Variants in ELAVL4 observed in about 807,000 individuals in gnomAD.
The protein encoded by ELAVL4 is ELAV-like protein 4.
ELAVL4 carries 1 observed loss-of-function variant against 35.6 expected under a neutral mutation model. That is an observed-to-expected ratio of 0.03 (90% confidence interval 0.01 to 0.13). The LOEUF is 0.13. Ranked by LOEUF, ELAVL4 falls within the 10% of genes least tolerant of loss-of-function variation. The pLI, the probability that ELAVL4 is intolerant of heterozygous loss-of-function variation, is 1.00. For synonymous variants in ELAVL4, 156 were observed against 171.0 expected (o/e 0.91, Z 0.69); for missense variants, 267 against 464.9 (o/e 0.57, Z 3.91).
intron 2 of ELAVL4, among the ~76,000 whole-genome samples, chr1:50,149,945 G>C (rs1217256509): frequency 6.6e-6 from 1 of 152,166 alleles, no homozygotes; most frequent in Non-Finnish European, 1.5e-5. Flanking sequence ...CTATTAATAC[G>C]TAAGTGCTAT....
Position 50,120,667 on chromosome 1 carries a change from G to C in ELAVL4, c.9+11469G>C, listed in dbSNP as rs546158857. Reference sequence around the variant, plus strand: ...ACATTGGTTAGGGGAATCAGCATTAGAGCACTCTTCTGGTCATAATGTGAT... The same window carrying C: ...ACATTGGTTAGGGGAATCAGCATTACAGCACTCTTCTGGTCATAATGTGAT... On this transcript the variant is annotated intron_variant, in intron 1 of 6. Coordinates refer to ENST00000371824, the MANE Select transcript of ELAVL4 (RefSeq NM_001144774.3). Among the ~76,000 whole-genome samples the C allele has an allele frequency of 4.2e-4, 64 of 152,182 alleles. 1 individual carries two copies. Among genetic ancestry groups the C allele is most frequent in the African/African-American group, 1.4e-3 (60 of 41,564 alleles).
chr1:50,177,140 A>C lies in ELAVL4; in HGVS notation c.302A>C (p.Glu101Ala). Reference sequence around the variant, plus strand: ...AACTATATTGATCCAAAGGATGCAGAGAAAGCCATCAACACTTTAAATGGA... The same window carrying C: ...AACTATATTGATCCAAAGGATGCAGCGAAAGCCATCAACACTTTAAATGGA... Reference protein sequence around the residue: ...FVNYIDPKDAEKAINTLNGLR... With the variant: ...FVNYIDPKDAAKAINTLNGLR... Residue 101 changes from glutamate to alanine, a missense_variant, in exon 3 of 7, where the codon GAG becomes GCG. By Grantham distance (107) the Glu-to-Ala change is moderately radical. Around this residue, in one of 2 missense-constraint regions of ELAVL4, gnomAD observed 216 missense variants for 409.5 expected, o/e 0.53. Transcript: ENST00000371824. 6.2e-7 allele frequency: 1 copy of C among 1,614,108 alleles called. No homozygotes were observed. Among genetic ancestry groups the C allele is most frequent in the Non-Finnish European group, 8.5e-7 (1 of 1,179,984 alleles).
chr1:50,059,578 T>C (rs1190010826), intron 1 of ELAVL4, among the ~76,000 whole-genome samples: 1 of 148,886 alleles, frequency 6.7e-6, no homozygotes, highest in South Asian at 2.1e-4. Context: ...TTGGAGAAAA[T>C]GGAACCCTCC....
chr1:50,051,733 T>C (rs1243635364), intron 1 of ELAVL4, among the ~76,000 whole-genome samples: 1 of 152,196 alleles, frequency 6.6e-6, no homozygotes, highest in East Asian at 1.9e-4. Context: ...TTTTAAAATC[T>C]ATTTCATCTT....
intron 3 of ELAVL4, among the ~76,000 whole-genome samples, chr1:50,189,412 G>C (rs1263382383): frequency 6.6e-6 from 1 of 152,252 alleles, no homozygotes; most frequent in Admixed American, 6.5e-5. Flanking sequence ...ACCTTGGTGA[G>C]ACTTGCTGAG....
chr1:50,193,526 G>A (rs1456482276), intron 3 of ELAVL4, among the ~76,000 whole-genome samples: 2 of 152,122 alleles, frequency 1.3e-5, no homozygotes, highest in African/African-American at 4.8e-5. Context: ...TGCACTTAGA[G>A]ACCCTTATCT....
intron 2 of ELAVL4, among the ~76,000 whole-genome samples, chr1:50,148,953 C>T (rs1451286645): frequency 6.6e-6 from 1 of 152,042 alleles, no homozygotes; most frequent in African/African-American, 2.4e-5. Flanking sequence ...TGTGGCTTGA[C>T]CAGGGCAAGG....
intron 2 of ELAVL4, among the ~76,000 whole-genome samples, chr1:50,166,773 T>G (rs1024003007): frequency 1.3e-5 from 2 of 152,202 alleles, no homozygotes; most frequent in African/African-American, 4.8e-5. Flanking sequence ...TGTGGAGTAG[T>G]AGACTAATTT....
At chr1:50,162,253 A>AATTC (rs1235746583) in intron 2 of ELAVL4, among the ~76,000 whole-genome samples, 1 of 152,210 alleles carries the variant, frequency 6.6e-6, no homozygotes, top group Non-Finnish European at 1.5e-5. Flanking sequence ...TCACTTATTG[A>AATTC]ATTCATTCAT....
chr1:50,193,412 T>G (rs1682976963), intron 3 of ELAVL4, among the ~76,000 whole-genome samples: 1 of 151,434 alleles, frequency 6.6e-6, no homozygotes, highest in Non-Finnish European at 1.5e-5. Context: ...ATGTGTTGGA[T>G]ACAGTAAATC....
intron 1 of ELAVL4, among the ~76,000 whole-genome samples, chr1:50,080,856 A>C (rs1308311180): frequency 1.3e-5 from 2 of 152,168 alleles, no homozygotes; most frequent in Non-Finnish European, 2.9e-5. Flanking sequence ...GACTAGTTGG[A>C]GGGGTGAGAA....
intron 1 of ELAVL4, among the ~76,000 whole-genome samples, chr1:50,143,976 A>G (rs1454484021): frequency 1.3e-5 from 2 of 152,038 alleles, no homozygotes; most frequent in East Asian, 1.9e-4. Flanking sequence ...GCTTAAACTC[A>G]TTTTTCATAT....
intron 2 of ELAVL4, among the ~76,000 whole-genome samples, chr1:50,148,788 A>G (rs1674198221): frequency 6.6e-6 from 1 of 152,238 alleles, no homozygotes; most frequent in South Asian, 2.1e-4. Flanking sequence ...AATACCTGGT[A>G]GAAATTATAT....
Position 50,159,238 on chromosome 1 carries a change from C to T in ELAVL4, c.250+14041C>T, listed in dbSNP as rs545997183. Among the ~76,000 whole-genome samples, 29 of 152,182 alleles carry T rather than the reference C, an allele frequency of 1.9e-4. No homozygotes were observed. The East Asian group carries it at 2.1e-3, about 11-fold the overall frequency. On this transcript the variant is annotated intron_variant, in intron 2 of 6. Transcript: ENST00000371824. Reference sequence around the variant, plus strand: ...TCCATCTAAAAATCTTTTCCAAAGGCGCTTAATTGATAATGTTTTTTAAAA... The same window carrying T: ...TCCATCTAAAAATCTTTTCCAAAGGTGCTTAATTGATAATGTTTTTTAAAA...
rs549438791 is a variant in ELAVL4 at position 50,129,395 on chromosome 1, A to G, written c.10-15562A>G. ...CCTCTGCTGTCAGTATGCAGAGTGC[A>G]CTGTGGCAGTGATCTGAAATTTCCC... On this transcript the variant is annotated intron_variant, in intron 1 of 6. Coordinates refer to ENST00000371824, the MANE Select transcript of ELAVL4 (RefSeq NM_001144774.3). Among the ~76,000 whole-genome samples the G allele has an allele frequency of 2.0e-5, 3 of 152,264 alleles. No individual in the cohort carries two copies. In the East Asian group the frequency reaches 5.8e-4, roughly 30 times the overall value.
At position 50,195,571 on chromosome 1, in the gene ELAVL4, A is replaced by C; in HGVS notation, c.519A>C (p.Arg173Ser). The change falls in exon 5 of 7, where the codon AGA becomes AGC. Residue 173 changes from arginine (R) to serine (S), a missense_variant. Physicochemically the swap from Arg to Ser is moderately radical, Grantham distance 110 (BLOSUM62 -1). Transcript: ENST00000371824. ...TTTCTCTTTCCCCAGGAGTGTCCAG[A>C]GGGGTGGGATTCATCCGCTTTGATA... ...ILVDQVTGVS[R>S]GVGFIRFDKR... The C allele has an allele frequency of 6.2e-7, 1 of 1,614,084 alleles. No individual in the cohort carries two copies.
upstream of ELAVL4, among the ~76,000 whole-genome samples, chr1:50,104,810 T>G (rs933306780): frequency 2.0e-5 from 3 of 152,252 alleles, no homozygotes; most frequent in Non-Finnish European, 4.4e-5. Flanking sequence ...CTATATCCTT[T>G]TAACATACCC....
At chr1:50,119,099 A>G (rs971455424) in intron 1 of ELAVL4, among the ~76,000 whole-genome samples, 4 of 151,690 alleles carry the variant, frequency 2.6e-5, no homozygotes, top group African/African-American at 9.7e-5. Context: ...AAAGAAAAAG[A>G]AAAAGATCCT....
At chr1:50,121,611 GA>G (rs1557732067) in intron 1 of ELAVL4, among the ~76,000 whole-genome samples, 1 of 151,964 alleles carries the variant, frequency 6.6e-6, no homozygotes, top group East Asian at 1.9e-4. Flanking sequence ...AGAAAAGTTT[GA>G]GAAATACTGG....
Sources: gnomAD v4.1 joint callset for allele counts (sites outside exome capture counted in the v4.1 genomes callset) on GRCh38, gnomAD v4.1.1 for gene constraint, gnomAD v4.1.1 regional missense constraint, MANE v1.5 for transcripts, NCBI Gene and HGNC (gene_info 2026-07-23, HGNC 2026-07-21) for gene names.